MACROD2: variants seen among roughly 807,000 people sequenced by gnomAD.
MACROD2 encodes ADP-ribose glycohydrolase MACROD2.
MACROD2 carries 36 observed loss-of-function variants against 70.4 expected under a neutral mutation model. The ratio of observed to expected loss-of-function variants is 0.51; its 90% confidence interval spans 0.39 to 0.68. MACROD2 has a LOEUF of 0.68. Ranked by LOEUF, MACROD2 falls within the 30% of genes least tolerant of loss-of-function variation. The pLI is 0.00. For missense variants in MACROD2, 496 were observed against 538.4 expected (o/e 0.92, Z 0.78); for synonymous variants, 172 against 178.8 (o/e 0.96, Z 0.30).
intron 15 of MACROD2, among the ~76,000 whole-genome samples, chr20:16,008,579 A>G (rs1239859498): frequency 6.6e-6 from 1 of 152,210 alleles, no homozygotes; most frequent in Non-Finnish European, 1.5e-5. Context: ...TGAACAGGTC[A>G]TTTAACTTGG....
chr20:15,282,008 G>A (rs1383457211), intron 6 of MACROD2, among the ~76,000 whole-genome samples: 1 of 152,222 alleles, frequency 6.6e-6, no homozygotes, highest in Non-Finnish European at 1.5e-5. Context: ...CCAACACCAT[G>A]TGTAAGCTTC....
At chr20:15,692,187 G>A (rs1231265562) in intron 8 of MACROD2, among the ~76,000 whole-genome samples, 7 of 152,070 alleles carry the variant, frequency 4.6e-5, no homozygotes, top group Non-Finnish European at 1.5e-5. Context: ...GGCCTGCCAT[G>A]CGGTAGGCAC....
At chr20:15,750,739 A>G (rs1440057420) in intron 8 of MACROD2, among the ~76,000 whole-genome samples, 1 of 152,070 alleles carries the variant, frequency 6.6e-6, no homozygotes, top group Non-Finnish European at 1.5e-5. Context: ...GGATGAATGG[A>G]TAAAGAAAAT....
At chr20:14,285,039 A>G (rs946812422) in intron 3 of MACROD2, among the ~76,000 whole-genome samples, 8 of 152,214 alleles carry the variant, frequency 5.3e-5, no homozygotes, top group South Asian at 2.1e-4. Context: ...TTGGAACTCT[A>G]TAGTAACCAA....
intron 8 of MACROD2, among the ~76,000 whole-genome samples, chr20:15,662,291 G>A (rs1261284551): frequency 6.6e-6 from 1 of 152,198 alleles, no homozygotes; most frequent in Non-Finnish European, 1.5e-5. Flanking sequence ...CGGGCACGGG[G>A]TCTGGAAATA....
In MACROD2 at chr20:15,252,872, T is replaced by C. The variant is rs145244548; in HGVS notation, c.540+22811T>C. Among the ~76,000 whole-genome samples, 318 of 152,286 alleles carry C rather than the reference T, an allele frequency of 2.1e-3. 1 individual carries two copies. Among genetic ancestry groups the C allele is most frequent in the African/African-American group, 7.3e-3 (303 of 41,552 alleles). On this transcript the variant is annotated intron_variant, in intron 6 of 17. Transcript: ENST00000684519. ...GAAGGATGCCACCTACAGAGCCAGC[T>C]GCTCACCAGAGCCTGGCTTGCATCA...
chr20:15,100,121 G>A (rs1291879283), intron 5 of MACROD2, among the ~76,000 whole-genome samples: 1 of 151,858 alleles, frequency 6.6e-6, no homozygotes. Flanking sequence ...TTTTTAAATA[G>A]AGACAGGGTC....
At chr20:15,714,595 T>C (rs143256775) in intron 8 of MACROD2, among the ~76,000 whole-genome samples, 45 of 152,286 alleles carry the variant, frequency 3.0e-4, no homozygotes, top group African/African-American at 1.1e-3. Flanking sequence ...TCTTAACACC[T>C]TCCTCATAGG....
At chr20:15,073,548 G>GA (rs11418257) in intron 5 of MACROD2, among the ~76,000 whole-genome samples, 12,876 of 150,518 alleles carry the variant, frequency 0.086, 628 homozygotes, top group Middle Eastern at 0.18. Flanking sequence ...CTATAACTTG[G>GA]AAAAAATGCT....
At chr20:14,706,569 A>G (rs1318628047) in intron 5 of MACROD2, among the ~76,000 whole-genome samples, 1 of 151,982 alleles carries the variant, frequency 6.6e-6, no homozygotes, top group Non-Finnish European at 1.5e-5. Flanking sequence ...TCTATTTATC[A>G]TTTGTTGAAC....
chr20:14,471,868 G>A (rs914470663), intron 3 of MACROD2, among the ~76,000 whole-genome samples: 2 of 151,852 alleles, frequency 1.3e-5, no homozygotes, highest in African/African-American at 2.4e-5. Context: ...GGGACAGCAA[G>A]GTTTTAAAAA....
At chr20:14,773,218 G>A (rs1323098926) in intron 5 of MACROD2, among the ~76,000 whole-genome samples, 1 of 151,906 alleles carries the variant, frequency 6.6e-6, no homozygotes, top group Non-Finnish European at 1.5e-5. Context: ...TAATAAATCA[G>A]GTTTCCCTTA....
chr20:14,496,027 ATTAAAT>A lies in MACROD2; in HGVS notation c.301+2524_301+2529del, dbSNP rs2084849159. On this transcript the variant is annotated intron_variant, in intron 4 of 17. Transcript: ENST00000684519. ...GATTTTTGGAAAGCTGCATTTAAAAATTAAATTTAAGGAATATTTTTAGCCTTCTCT... is the reference window on the plus strand; with the variant it reads ...GATTTTTGGAAAGCTGCATTTAAAAATTAAGGAATATTTTTAGCCTTCTCT... Among the ~76,000 whole-genome samples the A allele has an allele frequency of 2.0e-5, 3 of 152,282 alleles. No individual in the cohort carries two copies. The South Asian group carries it at 6.2e-4, about 32-fold the overall frequency.
intron 9 of MACROD2, among the ~76,000 whole-genome samples, chr20:15,875,806 G>A (rs2064659429): frequency 6.6e-6 from 1 of 151,862 alleles, no homozygotes; most frequent in African/African-American, 2.4e-5. Context: ...GTTGGAGAAG[G>A]GAGGGAGGAT....
chr20:15,759,465 T>A (rs73897887), intron 8 of MACROD2, among the ~76,000 whole-genome samples: 1 of 152,270 alleles, frequency 6.6e-6, no homozygotes, highest in South Asian at 2.1e-4. Context: ...TTGGCAATAA[T>A]TTACATGTTT....
chr20:15,875,430 A>G (rs2064654415), intron 9 of MACROD2, among the ~76,000 whole-genome samples: 1 of 152,118 alleles, frequency 6.6e-6, no homozygotes, highest in Non-Finnish European at 1.5e-5. Context: ...TTTAATGTGC[A>G]GATCACATTG....
At chr20:14,504,030 G>A (rs1368459362) in intron 4 of MACROD2, among the ~76,000 whole-genome samples, 2 of 152,200 alleles carry the variant, frequency 1.3e-5, no homozygotes, top group African/African-American at 4.8e-5. Flanking sequence ...TATCCCTACT[G>A]TGTCTCCATC....
chr20:15,770,156 A>G (rs906350224), intron 8 of MACROD2, among the ~76,000 whole-genome samples: 1 of 135,962 alleles, frequency 7.4e-6, no homozygotes, highest in East Asian at 2.1e-4. Context: ...GTGCAGTGGC[A>G]TGATCATAGC....
chr20:14,278,295 A>AC (rs2082276048), intron 3 of MACROD2, among the ~76,000 whole-genome samples: 1 of 152,242 alleles, frequency 6.6e-6, no homozygotes. Context: ...ATAGTCATGC[A>AC]CGCACACACT....
Sources: allele counts gnomAD v4.1 joint callset (sites outside exome capture counted in the v4.1 genomes callset), GRCh38; gene constraint gnomAD v4.1.1; transcripts MANE v1.5; gene names NCBI Gene and HGNC (gene_info 2026-07-23, HGNC 2026-07-21).